The following CEACAM19 variants were observed in gnomAD, a reference collection of about 807,000 sequenced individuals.
The protein encoded by CEACAM19 is cell adhesion molecule CEACAM19.
A neutral mutation model predicts 37.6 loss-of-function variants in CEACAM19; 37 were observed. The ratio of observed to expected loss-of-function variants is 0.98; its 90% confidence interval spans 0.76 to 1.29. The LOEUF is 1.29. CEACAM19 is among the 50% of genes most tolerant of loss of function. The pLI is 0.00. For synonymous variants in CEACAM19, 140 were observed against 149.8 expected, an observed-to-expected ratio of 0.93 and a Z score of 0.48; for missense variants, 340 against 375.6, an observed-to-expected ratio of 0.91 and a Z score of 0.78.
chr19:44,676,061 C>T (rs1973942347), intron 2 of CEACAM19, among the ~76,000 whole-genome samples: 1 of 151,920 alleles, frequency 6.6e-6, no homozygotes, highest in African/African-American at 2.4e-5. Context: ...GTGAGCACCA[C>T]GCCCAGCCCG....
At chr19:44,672,465 A>ATTGTT in intron 1 of CEACAM19, 131 bp from the exon 2 acceptor site, 2 of 1,030,242 alleles carry the variant, frequency 1.9e-6, no homozygotes, top group Non-Finnish European at 2.7e-6. Flanking sequence ...TCACTAATCA[A>ATTGTT]TCCCAGCATT....
intron 5 of CEACAM19, among the ~76,000 whole-genome samples, chr19:44,680,823 G>A (rs1974043716): frequency 6.6e-6 from 1 of 152,050 alleles, no homozygotes; most frequent in Non-Finnish European, 1.5e-5. Flanking sequence ...AAACACAGCT[G>A]GCTCTCTCAC....
At chr19:44,667,620 T>G (rs1568511859), upstream of CEACAM19, among the ~76,000 whole-genome samples, 1 of 96,456 alleles carries the variant, frequency 1.0e-5, no homozygotes, top group African/African-American at 4.3e-5. Flanking sequence ...TATTATATAT[T>G]TATAAATATA....
chr19:44,668,766 A>AT (rs1973810346), upstream of CEACAM19, among the ~76,000 whole-genome samples: 3 of 70,484 alleles, frequency 4.3e-5, no homozygotes, highest in African/African-American at 1.1e-4. Flanking sequence ...TAATATATAT[A>AT]ATATAATATA....
chr19:44,671,125 C>CTT (rs112662657), upstream of CEACAM19, among the ~76,000 whole-genome samples: 1 of 143,268 alleles, frequency 7.0e-6, no homozygotes, highest in Non-Finnish European at 1.5e-5. Flanking sequence ...AGGCTAAGAG[C>CTT]TTTTTTTTTT....
intron 3 of CEACAM19, 91 bp downstream of exon 3, chr19:44,676,512 T>A: frequency 7.7e-7 from 1 of 1,291,428 alleles, no homozygotes; most frequent in Non-Finnish European, 1.1e-6. Context: ...ATCCGGCTCA[T>A]ACACAATCTC....
upstream of CEACAM19, among the ~76,000 whole-genome samples, chr19:44,670,781 G>GAAA (rs74691226): frequency 2.7e-3 from 158 of 58,162 alleles, 7 homozygotes; most frequent in East Asian, 3.3e-3. Flanking sequence ...CCTGTCTCAA[G>GAAA]AAAAAAAAAA....
upstream of CEACAM19, among the ~76,000 whole-genome samples, chr19:44,668,281 ATATTAT>A (rs1296478206): frequency 1.2e-5 from 1 of 80,006 alleles, no homozygotes; most frequent in South Asian, 4.0e-4. Flanking sequence ...ATATGTTTAT[ATATTAT>A]TATATTTATA....
At chr19:44,674,766 A>G (rs192680629) in intron 2 of CEACAM19, among the ~76,000 whole-genome samples, 1 of 152,330 alleles carries the variant, frequency 6.6e-6, no homozygotes, top group African/African-American at 2.4e-5. Flanking sequence ...AAATGGATGA[A>G]ATAGGCAAAA....
intron 1 of CEACAM19, 173 bp from the exon 2 acceptor site, chr19:44,672,423 C>G (rs1973871360): frequency 3.0e-6 from 2 of 667,446 alleles, no homozygotes; most frequent in Non-Finnish European, 4.6e-6. Flanking sequence ...GTAACCATGC[C>G]TGTGTTCCCA....
chr19:44,675,097 CGTGTGT>C (rs59147604), intron 2 of CEACAM19, among the ~76,000 whole-genome samples: 4,321 of 143,882 alleles, frequency 0.03, 80 homozygotes, highest in African/African-American at 0.053. Context: ...CAGAGAACAG[CGTGTGT>C]GTGTGTGTGT....
intron 2 of CEACAM19, among the ~76,000 whole-genome samples, chr19:44,675,415 TCTC>T (rs1335900257): frequency 6.6e-6 from 1 of 151,866 alleles, no homozygotes; most frequent in East Asian, 1.9e-4. Context: ...GTCCCCTACA[TCTC>T]CTGCAAAACA....
upstream of CEACAM19, among the ~76,000 whole-genome samples, chr19:44,667,904 TA>T (rs1205630696): frequency 3.8e-3 from 282 of 74,320 alleles, 6 homozygotes; most frequent in African/African-American, 0.016. Flanking sequence ...ATATAATATA[TA>T]AAATATATAT....
At chr19:44,668,678 ATATAT>A (rs1314589981), upstream of CEACAM19, among the ~76,000 whole-genome samples, 6 of 73,896 alleles carry the variant, frequency 8.1e-5, no homozygotes, top group Non-Finnish European at 1.2e-4. Flanking sequence ...TACATATATT[ATATAT>A]TATAATATAT....
rs199680864 is a variant in CEACAM19 at position 44,671,896 on chromosome 19, G to T, written c.-36G>T. 1.3e-6 allele frequency: 2 copies of T among 1,582,390 alleles called. No homozygotes were observed. Among genetic ancestry groups the T allele is most frequent in the Non-Finnish European group, 1.7e-6 (2 of 1,161,690 alleles). ...ACCCCTCTGGCCCCCTTAGTGTCCA[G>T]CTCGTGGCCCCTTGGCATTTCCACA... On this transcript the variant is annotated 5_prime_UTR_variant, in exon 1 of 8. Coordinates refer to ENST00000358777, the MANE Select transcript of CEACAM19 (RefSeq NM_001127893.3).
chr19:44,676,616 C>T (rs1973955423), intron 3 of CEACAM19, among the ~76,000 whole-genome samples, 195 bp downstream of exon 3: 1 of 152,156 alleles, frequency 6.6e-6, no homozygotes, highest in Admixed American at 6.6e-5. Context: ...TATTCTTAAA[C>T]TGACTTACCA....
chr19:44,672,418 C>T (rs2122124636), intron 1 of CEACAM19, 178 bp from the exon 2 acceptor site: 1 of 632,104 alleles, frequency 1.6e-6, no homozygotes, highest in African/African-American at 1.9e-5. Context: ...CTGTGGTAAC[C>T]ATGCCTGTGT....
chr19:44,679,067 A>C, intron 4 of CEACAM19, 131 bp downstream of exon 4: 1 of 1,370,074 alleles, frequency 7.3e-7, no homozygotes, highest in Non-Finnish European at 9.7e-7. Context: ...ATCGTAGCTC[A>C]CCGTAGCCTC....
intron 2 of CEACAM19, among the ~76,000 whole-genome samples, chr19:44,675,198 G>A (rs1354839633): frequency 6.7e-6 from 1 of 148,678 alleles, no homozygotes; most frequent in Non-Finnish European, 1.5e-5. Flanking sequence ...TTTCACAGAC[G>A]AACCAAGTCA....
Sources: allele counts gnomAD v4.1 joint callset (sites outside exome capture counted in the v4.1 genomes callset), GRCh38; gene constraint gnomAD v4.1.1; transcripts MANE v1.5; gene names NCBI Gene and HGNC (gene_info 2026-07-23, HGNC 2026-07-21).